The following RNF220 variants were observed in gnomAD, a reference collection of about 807,000 sequenced individuals.
RNF220 encodes the protein ring finger protein 220.
RNF220 carries 7 observed loss-of-function variants against 67.1 expected under a neutral mutation model. That is an observed-to-expected ratio of 0.10 (90% CI 0.06 to 0.20). RNF220 has a LOEUF of 0.20. Ranked by LOEUF, RNF220 falls within the 10% of genes least tolerant of loss-of-function variation. The pLI is 1.00. For synonymous variants in RNF220, 270 were observed against 283.2 expected (o/e 0.95, Z 0.47); for missense variants, 565 against 740.3 (o/e 0.76, Z 2.75).
intron 2 of RNF220, among the ~76,000 whole-genome samples, chr1:44,467,258 C>T (rs912477557): frequency 6.6e-6 from 1 of 152,202 alleles, no homozygotes; most frequent in African/African-American, 2.4e-5. Context: ...GTTGCCCAAG[C>T]TGGAGTGCAA....
At chr1:44,628,601 G>A (rs867423753) in intron 5 of RNF220, among the ~76,000 whole-genome samples, 2 of 152,204 alleles carry the variant, frequency 1.3e-5, no homozygotes, top group South Asian at 2.1e-4. Flanking sequence ...TCATGGCAGC[G>A]AGGCCTTCTG....
Position 44,649,970 on chromosome 1 carries a change from G to A in RNF220, c.1629+13G>A, listed in dbSNP as rs200506737. On this transcript the variant is annotated intron_variant, in intron 14 of 14. Transcript: ENST00000361799. The surrounding 1 kb of genome is among the most constrained non-coding windows in gnomAD (Gnocchi z 5.9). ...GCTGCGGACCCTGGTGAGGTGGCAT[G>A]GGGGTCGGGGAATGGGAGGCCGCTC... 1.4e-4 allele frequency: 226 copies of A among 1,612,398 alleles called. No individual in the cohort carries two copies. Among genetic ancestry groups the A allele is most frequent in the Admixed American group, 2.5e-4 (15 of 59,928 alleles).
At chr1:44,543,730 G>A (rs777160416) in intron 2 of RNF220, among the ~76,000 whole-genome samples, 9 of 152,064 alleles carry the variant, frequency 5.9e-5, no homozygotes, top group Non-Finnish European at 1.2e-4. Context: ...CACATGTAAC[G>A]ACTTCAGGAG....
rs751747693 is a variant in RNF220, at chr1:44,573,064, G to A, written c.626-41101G>A. The A allele has an allele frequency of 3.6e-4, 83 of 232,716 alleles. 1 individual carries two copies. Among genetic ancestry groups the A allele is most frequent in the Non-Finnish European group, 5.8e-4 (66 of 113,060 alleles). The allele number at this position is 232,716 out of a possible 1,614,324, so 14.4% of individuals were successfully genotyped here. Reference sequence around the variant, plus strand: ...TGCCAGAATGTGGTACAGGGTAGGGGGAGCTTATAATATAATTATAATATG... The same window carrying A: ...TGCCAGAATGTGGTACAGGGTAGGGAGAGCTTATAATATAATTATAATATG... On this transcript the variant is annotated intron_variant, in intron 2 of 14. Coordinates refer to ENST00000361799, the MANE Select transcript of RNF220 (RefSeq NM_018150.4).
intron 2 of RNF220, among the ~76,000 whole-genome samples, chr1:44,541,432 A>G (rs373181495): frequency 6.6e-6 from 1 of 152,340 alleles, no homozygotes; most frequent in East Asian, 1.9e-4. Context: ...CGTCTCAACA[A>G]CAAAAAAAGA....
intron 2 of RNF220, among the ~76,000 whole-genome samples, chr1:44,456,075 A>C (rs1287804053): frequency 6.6e-6 from 1 of 152,174 alleles, no homozygotes; most frequent in Non-Finnish European, 1.5e-5. Flanking sequence ...GGATTCTCTT[A>C]ATTTGGAGAA....
chr1:44,512,319 A>G (rs1470899066), intron 2 of RNF220, among the ~76,000 whole-genome samples: 1 of 152,002 alleles, frequency 6.6e-6, no homozygotes, highest in Non-Finnish European at 1.5e-5. Flanking sequence ...TTATGGGGGG[A>G]GGCGGTGGGT....
Position 44,649,595 on chromosome 1 carries a change from G to C in RNF220, c.1446-66G>C. Reference sequence around the variant, plus strand: ...GTATTTGGTTCTGGAATTCAAGGGAGGCGTAGGCTGGAGGTACAGATGAGA... The same window carrying C: ...GTATTTGGTTCTGGAATTCAAGGGACGCGTAGGCTGGAGGTACAGATGAGA... On this transcript the variant is annotated intron_variant, in intron 12 of 14. Coordinates refer to ENST00000361799, the MANE Select transcript of RNF220 (RefSeq NM_018150.4). The surrounding 1 kb of genome is among the most constrained non-coding windows in gnomAD (Gnocchi z 5.9). 1.4e-6 allele frequency: 2 copies of C among 1,425,364 alleles called. No homozygotes were observed. The highest frequency in any genetic ancestry group is 2.3e-5 in the South Asian group (2 of 86,994). The allele number at this position is 1,425,364 out of a possible 1,614,324, so 88.3% of individuals were successfully genotyped here. A position where few individuals can be genotyped will look rare whatever the true frequency, so the allele number is the denominator to read the frequency against.
At chr1:44,408,456 C>G (rs370742437) in intron 1 of RNF220, among the ~76,000 whole-genome samples, 4 of 152,250 alleles carry the variant, frequency 2.6e-5, no homozygotes, top group East Asian at 1.9e-4. Flanking sequence ...CCAAATACCC[C>G]CTGGGCATTT....
intron 2 of RNF220, among the ~76,000 whole-genome samples, chr1:44,431,500 CAAAAA>C (rs34244024): frequency 3.3e-5 from 3 of 90,472 alleles, no homozygotes; most frequent in Admixed American, 1.2e-4. Flanking sequence ...GACTTCATCT[CAAAAA>C]AAAAAAAAAA....
chr1:44,458,420 C>T (rs901140540), intron 2 of RNF220, among the ~76,000 whole-genome samples: 1 of 151,308 alleles, frequency 6.6e-6, no homozygotes, highest in African/African-American at 2.4e-5. Flanking sequence ...CTGGATGTAC[C>T]ATTTCCTAAC....
intron 5 of RNF220, chr1:44,631,914 C>A: frequency 1.0e-6 from 1 of 987,142 alleles, no homozygotes; most frequent in Non-Finnish European, 1.2e-6. Context: ...CGGCCGCCCC[C>A]GCCGCATTGT....
intron 2 of RNF220, among the ~76,000 whole-genome samples, chr1:44,447,136 A>T (rs2147917189): frequency 6.6e-6 from 1 of 152,360 alleles, no homozygotes; most frequent in South Asian, 2.1e-4. Flanking sequence ...GTGTTAAGAA[A>T]TTACTATATT....
In RNF220 at chr1:44,635,638, G is replaced by A; in HGVS notation, c.993+50G>A. ...CTGGCAGGATCGGAGCAGGAGATGA[G>A]TAGGCATGTGGAGCATTGCCTTTCT... On this transcript the variant is annotated intron_variant, in intron 7 of 14. Transcript: ENST00000361799. 2.5e-6 allele frequency: 4 copies of A among 1,614,138 alleles called. 1 individual carries two copies. The highest frequency in any genetic ancestry group is 2.2e-5 in the East Asian group (1 of 44,888).
intron 2 of RNF220, among the ~76,000 whole-genome samples, chr1:44,467,051 G>A (rs914640434): frequency 6.6e-6 from 1 of 152,180 alleles, no homozygotes; most frequent in Non-Finnish European, 1.5e-5. Flanking sequence ...AAAACACATT[G>A]TTTAGTGCAG....
At chr1:44,644,365 C>A in intron 8 of RNF220, 1 of 241,548 alleles carries the variant, frequency 4.1e-6, no homozygotes, top group Non-Finnish European at 8.2e-6. Flanking sequence ...TTTTTCTGTC[C>A]TCTTACTGTT....
chr1:44,502,478 G>A (rs1221792272), intron 2 of RNF220, among the ~76,000 whole-genome samples: 2 of 152,100 alleles, frequency 1.3e-5, no homozygotes, highest in Admixed American at 6.5e-5. Flanking sequence ...CATCTGCATG[G>A]TATTAGGCCT....
chr1:44,636,383 C>A, intron 8 of RNF220: 2 of 744,858 alleles, frequency 2.7e-6, no homozygotes, highest in Non-Finnish European at 2.4e-6. Context: ...TGTGAGGCTG[C>A]AAGCTAGGAG....
chr1:44,476,653 G>A (rs897638404), intron 2 of RNF220, among the ~76,000 whole-genome samples: 2 of 152,166 alleles, frequency 1.3e-5, no homozygotes, highest in Admixed American at 6.5e-5. Flanking sequence ...ATACTACAGG[G>A]AGGAAGCTTG....
Sources: allele counts gnomAD v4.1 joint callset (sites outside exome capture counted in the v4.1 genomes callset), GRCh38; gene constraint gnomAD v4.1.1; non-coding constraint Gnocchi (gnomAD v3.1); transcripts MANE v1.5; gene names NCBI Gene and HGNC (gene_info 2026-07-23, HGNC 2026-07-21).